The following GBE1 variants were observed in gnomAD, a reference collection of about 807,000 sequenced individuals.
The protein encoded by GBE1 is 1,4-alpha-glucan branching enzyme 1, also known as 1,4-alpha-glucan-branching enzyme.
A neutral mutation model predicts 88.8 loss-of-function variants in GBE1; 70 were observed. The observed-to-expected ratio is 0.79, with a 90% CI of 0.65 to 0.96. The LOEUF is 0.96. Among genes scored for constraint, GBE1 ranks in the 40% least tolerant of loss-of-function variants. GBE1 has a pLI of 0.00. For synonymous variants in GBE1, 284 were observed against 300.1 expected, an observed-to-expected ratio of 0.95 and a Z score of 0.56; for missense variants, 872 against 871.0, an observed-to-expected ratio of 1.00 and a Z score of -0.01.
At chr3:81,509,466 T>C (rs1702696674) in intron 14 of GBE1, 1 of 151,974 alleles carries the variant, frequency 6.6e-6, no homozygotes, top group South Asian at 2.1e-4. Context: ...ATAAATTTAA[T>C]TATTACATTT....
At chr3:81,697,299 ATC>A (rs1376306460) in intron 2 of GBE1, among the ~76,000 whole-genome samples, 3 of 147,446 alleles carry the variant, frequency 2.0e-5, no homozygotes, top group African/African-American at 7.7e-5. Context: ...GGCAGACAAC[ATC>A]TTTTTTTTTT....
chr3:81,500,907 T>C (rs1702577734), intron 14 of GBE1, among the ~76,000 whole-genome samples: 1 of 152,168 alleles, frequency 6.6e-6, no homozygotes, highest in African/African-American at 2.4e-5. Context: ...CATGAGGTAT[T>C]TGGTTTTCCG....
At chr3:81,631,563 C>T (rs565491992) in intron 7 of GBE1, among the ~76,000 whole-genome samples, 27 of 151,002 alleles carry the variant, frequency 1.8e-4, no homozygotes, top group African/African-American at 5.6e-4. Flanking sequence ...GGTGAAACCC[C>T]GTCTCTACTA....
At chr3:81,752,784 A>G (rs997799198) in intron 1 of GBE1, among the ~76,000 whole-genome samples, 2 of 152,358 alleles carry the variant, frequency 1.3e-5, no homozygotes, top group South Asian at 4.1e-4. Context: ...AGTAAGGCAC[A>G]GTTAACTAGC....
chr3:81,574,886 C>T (rs1171949804), intron 12 of GBE1, among the ~76,000 whole-genome samples: 1 of 151,942 alleles, frequency 6.6e-6, no homozygotes. Flanking sequence ...AGAATGAGGC[C>T]GGGGGCAGTG....
At chr3:81,526,599 A>T (rs1323252708) in intron 14 of GBE1, among the ~76,000 whole-genome samples, 3 of 152,156 alleles carry the variant, frequency 2.0e-5, no homozygotes, top group African/African-American at 4.8e-5. Context: ...GAGCCAAATC[A>T]TGAGTGAACT....
intron 2 of GBE1, among the ~76,000 whole-genome samples, chr3:81,676,733 CT>C (rs1194143256): frequency 6.6e-6 from 1 of 151,820 alleles, no homozygotes; most frequent in Non-Finnish European, 1.5e-5. Context: ...GGTGGAAAAC[CT>C]GATATATTTC....
intron 15 of GBE1, among the ~76,000 whole-genome samples, chr3:81,490,667 G>A (rs906156336): frequency 2.6e-5 from 4 of 151,932 alleles, no homozygotes; most frequent in African/African-American, 9.7e-5. Flanking sequence ...ACCACCACTA[G>A]AGGGCGCCAT....
At chr3:81,581,133 A>G in intron 11 of GBE1, 32 bp downstream of exon 11, 1 of 1,242,976 alleles carries the variant, frequency 8.0e-7, no homozygotes, top group South Asian at 1.3e-5. Context: ...AGAGAGAGAG[A>G]AATAAATGAA....
Position 81,536,993 on chromosome 3 carries a change from A to G in GBE1, c.1721T>C (p.Leu574Pro). Residue 574 changes from leucine (L) to proline (P), a missense_variant, in exon 13 of 16, where the codon CTT (leucine) becomes CCT (proline). By Grantham distance (98) the Leu-to-Pro change is moderately conservative (BLOSUM62 -3). Transcript: ENST00000429644. ...ATTATTTAGGAACTTGTAGCGAAGA[A>G]GGTCGTCGTCAGTTAAATGAAACTG... ...RRQFHLTDDD[L>P]LRYKFLNNFD... 1 of 1,593,272 alleles carries G rather than the reference A, an allele frequency of 6.3e-7. No homozygotes were observed. The highest frequency in any genetic ancestry group is 2.3e-5 in the East Asian group (1 of 43,254).
chr3:81,756,375 C>G (rs1278307828), intron 1 of GBE1, among the ~76,000 whole-genome samples: 1 of 152,182 alleles, frequency 6.6e-6, no homozygotes, highest in African/African-American at 2.4e-5. Context: ...CATAGACTCA[C>G]TGGTATGGCA....
Position 81,492,955 on chromosome 3 carries a change from C to T in GBE1, c.2053-2492G>A, listed in dbSNP as rs934237684. Among the ~76,000 whole-genome samples, 6 of 152,176 alleles carry T rather than the reference C, an allele frequency of 3.9e-5. No individual in the cohort carries two copies. In the South Asian group the frequency reaches 1.0e-3, roughly 26 times the overall value. Reference sequence around the variant, plus strand: ...GTTTCTGCATGTTGGCCAGGATGGTCTCAATCTCTTGACCTCGTGATCTGC... The same window carrying T: ...GTTTCTGCATGTTGGCCAGGATGGTTTCAATCTCTTGACCTCGTGATCTGC... On this transcript the variant is annotated intron_variant, in intron 15 of 15. Transcript: ENST00000429644.
Position 81,582,534 on chromosome 3 carries a change from C to T in GBE1, c.1336-1259G>A, listed in dbSNP as rs866806643. Among the ~76,000 whole-genome samples, 10 of 152,200 alleles carry T rather than the reference C, an allele frequency of 6.6e-5. No individual in the cohort carries two copies. In the South Asian group the frequency reaches 1.2e-3, roughly 19 times the overall value. On this transcript the variant is annotated intron_variant, in intron 10 of 15. Transcript: ENST00000429644. The stretch of plus-strand genomic sequence containing the variant: ...AATTTGTGCTGTTTAAGCCACTAAG[C>T]TTGTGGTAAATTGGATATGGGAATA...
chr3:81,700,953 T>A (rs556554899), intron 2 of GBE1, among the ~76,000 whole-genome samples: 1 of 152,186 alleles, frequency 6.6e-6, no homozygotes, highest in Non-Finnish European at 1.5e-5. Flanking sequence ...TATTGACATA[T>A]GTAGTTTACT....
chr3:81,582,765 T>A (rs1703751416), intron 10 of GBE1, among the ~76,000 whole-genome samples: 1 of 152,010 alleles, frequency 6.6e-6, no homozygotes. Context: ...ATCATGGGCT[T>A]AAATATAAAA....
At chr3:81,496,826 C>T (rs754189711) in intron 15 of GBE1, among the ~76,000 whole-genome samples, 1 of 152,106 alleles carries the variant, frequency 6.6e-6, no homozygotes, top group Non-Finnish European at 1.5e-5. Flanking sequence ...CACATTAAAA[C>T]GAGTGATCTT....
chr3:81,758,602 T>G (rs913696872), intron 1 of GBE1, among the ~76,000 whole-genome samples: 1 of 152,208 alleles, frequency 6.6e-6, no homozygotes, highest in African/African-American at 2.4e-5. Context: ...TTTAAAGCAC[T>G]AAGATTTTGG....
chr3:81,643,088 T>G, intron 6 of GBE1, 98 bp from the exon 7 acceptor site: 1 of 785,604 alleles, frequency 1.3e-6, no homozygotes, highest in Non-Finnish European at 2.1e-6. Context: ...ACTAGATACT[T>G]TAAATATCCA....
At chr3:81,566,669 C>T (rs1177033336) in intron 12 of GBE1, among the ~76,000 whole-genome samples, 1 of 152,150 alleles carries the variant, frequency 6.6e-6, no homozygotes, top group African/African-American at 2.4e-5. Flanking sequence ...TTCCTTCCTC[C>T]TTTTGCTCTC....
Sources: allele counts gnomAD v4.1 joint callset (sites outside exome capture counted in the v4.1 genomes callset), GRCh38; gene constraint gnomAD v4.1.1; transcripts MANE v1.5; gene names NCBI Gene and HGNC (gene_info 2026-07-23, HGNC 2026-07-21).